The following DPF3 variants were observed in gnomAD, a reference collection of about 807,000 sequenced individuals.
DPF3 encodes double PHD fingers 3, also known as zinc finger protein DPF3.
A neutral mutation model predicts 56.8 loss-of-function variants in DPF3; 18 were observed. The ratio of observed to expected loss-of-function variants is 0.32; its 90% CI spans 0.22 to 0.47. DPF3 has a LOEUF of 0.47. Among genes scored for constraint, DPF3 ranks in the 20% least tolerant of loss-of-function variants. DPF3 has a pLI of 1.00. For synonymous variants in DPF3, 188 were observed against 180.2 expected, an observed-to-expected ratio of 1.04 and a Z score of -0.35; for missense variants, 403 against 488.8, an observed-to-expected ratio of 0.82 and a Z score of 1.65.
At chr14:72,661,264 G>A (rs1192476832) in intron 8 of DPF3, 4 of 985,294 alleles carry the variant, frequency 4.1e-6, no homozygotes, top group Admixed American at 6.1e-5. Context: ...GACACTCTCG[G>A]TGATCCCCTC....
intron 1 of DPF3, among the ~76,000 whole-genome samples, chr14:72,874,210 G>T (rs1886019454): frequency 6.6e-6 from 1 of 151,420 alleles, no homozygotes; most frequent in South Asian, 2.1e-4. Context: ...CAGGTGGAGT[G>T]GCTCACACCT....
intron 4 of DPF3, among the ~76,000 whole-genome samples, chr14:72,727,347 G>A (rs1889446518): frequency 6.6e-6 from 1 of 152,204 alleles, no homozygotes. Flanking sequence ...GGAGGCCGAG[G>A]CAGGCGGATC....
chr14:72,678,868 C>G (rs1478228745), intron 7 of DPF3, among the ~76,000 whole-genome samples: 1 of 151,934 alleles, frequency 6.6e-6, no homozygotes, highest in Non-Finnish European at 1.5e-5. Flanking sequence ...AGAAATCTAC[C>G]TGAGGGAGAT....
chr14:72,890,988 T>G (rs1026897174), intron 1 of DPF3, among the ~76,000 whole-genome samples: 2 of 151,670 alleles, frequency 1.3e-5, no homozygotes, highest in Admixed American at 1.3e-4. Context: ...TGAGGGGAGA[T>G]CAAAGACAGG....
At chr14:72,698,940 G>A (rs1175407358) in intron 6 of DPF3, among the ~76,000 whole-genome samples, 2 of 152,142 alleles carry the variant, frequency 1.3e-5, no homozygotes, top group South Asian at 2.1e-4. Context: ...TGTCAGCTAC[G>A]GAAAGCAAAG....
chr14:72,796,611 G>A (rs1163549464), intron 1 of DPF3, among the ~76,000 whole-genome samples: 2 of 152,186 alleles, frequency 1.3e-5, no homozygotes, highest in Non-Finnish European at 1.5e-5. Context: ...TCTAGAGCAT[G>A]TACTATGTCT....
At chr14:72,759,221 C>G (rs1890967647) in intron 2 of DPF3, among the ~76,000 whole-genome samples, 1 of 151,940 alleles carries the variant, frequency 6.6e-6, no homozygotes, top group Non-Finnish European at 1.5e-5. Flanking sequence ...GACAGATAAA[C>G]TTGAAAACAC....
intron 8 of DPF3, among the ~76,000 whole-genome samples, chr14:72,643,900 A>T (rs1183781846): frequency 1.3e-5 from 2 of 152,090 alleles, no homozygotes; most frequent in Non-Finnish European, 2.9e-5. Flanking sequence ...CTATACTACA[A>T]TCGAGACACC....
rs1192752620 is a variant in DPF3 at position 72,614,982 on chromosome 14, C to T, written c.*4315G>A. Among the ~76,000 whole-genome samples, 1 of 148,364 alleles carries T rather than the reference C, an allele frequency of 6.7e-6. No individual in the cohort carries two copies. The highest frequency in any genetic ancestry group is 1.5e-5 in the Non-Finnish European group (1 of 67,330). On this transcript the variant is annotated 3_prime_UTR_variant, in exon 11 of 11. Coordinates refer to ENST00000556509, the MANE Select transcript of DPF3 (RefSeq NM_001280542.3). ...AGGAATGGAAGCCTGCTAAAAGGGA[C>T]ACCAAGTCACCACTGCTACCAGGAG... is the stretch of plus-strand genomic sequence containing the variant.
intron 8 of DPF3, among the ~76,000 whole-genome samples, chr14:72,652,359 C>T (rs1424839670): frequency 1.3e-5 from 2 of 152,156 alleles, no homozygotes; most frequent in African/African-American, 4.8e-5. Context: ...TCCTTAATTT[C>T]CCTCCTCCCA....
intron 2 of DPF3, among the ~76,000 whole-genome samples, chr14:72,760,895 C>T (rs899613917): frequency 6.6e-6 from 1 of 151,946 alleles, no homozygotes; most frequent in Non-Finnish European, 1.5e-5. Context: ...AAAGATATTT[C>T]ATGTTAATAT....
chr14:72,670,792 A>T, intron 8 of DPF3: 1 of 1,060,308 alleles, frequency 9.4e-7, no homozygotes, highest in Non-Finnish European at 1.1e-6. Flanking sequence ...TGAGGACATC[A>T]ACTCTGCTCC....
Position 72,674,271 on chromosome 14 carries a change from C to A in DPF3, c.840G>T (p.Glu280Asp). ...GTCCACAGTCTGCGCAGGACACCAG[C>A]TCTTCAGGCCGCCCACTCTTCTTGT... ...NMNKKSGRPE[E>D]LVSCADCGRS... Residue 280 changes from glutamate (E) to aspartate (D), a missense_variant, in exon 8 of 11, where the codon GAG becomes GAT. Glu to Asp is a conservative substitution (Grantham distance 45). Coordinates refer to ENST00000556509, the MANE Select transcript of DPF3 (RefSeq NM_001280542.3). 14 of 1,612,624 alleles carry A rather than the reference C, an allele frequency of 8.7e-6. No homozygotes were observed. The highest frequency in any genetic ancestry group is 1.1e-5 in the Non-Finnish European group (13 of 1,179,456).
intron 1 of DPF3, among the ~76,000 whole-genome samples, chr14:72,847,347 T>C (rs1466889534): frequency 6.6e-6 from 1 of 152,184 alleles, no homozygotes; most frequent in East Asian, 1.9e-4. Context: ...CAACTTACCA[T>C]GAGGGCCACG....
At chr14:72,748,477 A>G (rs1567220163) in intron 3 of DPF3, among the ~76,000 whole-genome samples, 1 of 152,228 alleles carries the variant, frequency 6.6e-6, no homozygotes, top group Admixed American at 6.5e-5. Context: ...TGAAATAGAA[A>G]AAAAAAATCC....
chr14:72,630,378 C>A (rs1469866488), intron 8 of DPF3, among the ~76,000 whole-genome samples: 2 of 152,168 alleles, frequency 1.3e-5, no homozygotes, highest in Non-Finnish European at 2.9e-5. Flanking sequence ...AGCATCAGAG[C>A]AAATGGCCAG....
rs958804991 is a variant in DPF3 at position 72,612,808 on chromosome 14, C to G, written c.*6489G>C. 6.6e-6 allele frequency among the ~76,000 whole-genome samples: 1 copy of G among 152,202 alleles called. No individual in the cohort carries two copies. The highest frequency in any genetic ancestry group is 2.4e-5 in the African/African-American group (1 of 41,434). ...ACGAAGGGAAGAGAAGGAGAGAGGTCGCGGAGCCAGTAGCTTTCCAAGCAC... is the reference window on the plus strand; with the variant it reads ...ACGAAGGGAAGAGAAGGAGAGAGGTGGCGGAGCCAGTAGCTTTCCAAGCAC... On this transcript the variant is annotated 3_prime_UTR_variant, in exon 11 of 11. Coordinates refer to ENST00000556509, the MANE Select transcript of DPF3 (RefSeq NM_001280542.3).
chr14:72,650,756 C>G (rs1168105279), intron 8 of DPF3, among the ~76,000 whole-genome samples: 1 of 152,102 alleles, frequency 6.6e-6, no homozygotes, highest in Non-Finnish European at 1.5e-5. Flanking sequence ...GAAGGAGTCA[C>G]AGGGATGGGT....
chr14:72,638,612 G>T (rs192063841), intron 8 of DPF3, among the ~76,000 whole-genome samples: 30 of 152,282 alleles, frequency 2.0e-4, no homozygotes, highest in African/African-American at 6.5e-4. Context: ...ATGAATTCAT[G>T]AGTGGTCTAA....
Sources: allele counts gnomAD v4.1 joint callset (sites outside exome capture counted in the v4.1 genomes callset), GRCh38; gene constraint gnomAD v4.1.1; transcripts MANE v1.5; gene names NCBI Gene and HGNC (gene_info 2026-07-23, HGNC 2026-07-21).